Variants in BLTP1 observed in about 807,000 individuals in gnomAD.
The protein encoded by BLTP1 is fragile site-associated protein.
At chr4:122,267,621 T>G in the BLTP1 span, 10 of 979,934 alleles carry the variant, frequency 1.0e-5, no homozygotes, top group Non-Finnish European at 1.2e-5. Context: ...GTATTTTGTA[T>G]TAGAAATAGG....
At chr4:122,248,149 T>A in the BLTP1 span, 2 of 982,204 alleles carry the variant, frequency 2.0e-6, no homozygotes, top group Non-Finnish European at 2.4e-6. Flanking sequence ...GGTGTGAGGC[T>A]GAAAGCATTT....
the BLTP1 span, chr4:122,276,613 G>C: frequency 1.0e-6 from 1 of 983,924 alleles, no homozygotes; most frequent in East Asian, 1.1e-4. Context: ...AACTGAACTT[G>C]AAATGTTGGT....
chr4:122,350,082 T>G, the BLTP1 span: 25 of 1,611,820 alleles, frequency 1.6e-5, no homozygotes, highest in African/African-American at 3.3e-4. Flanking sequence ...AATGTAAGAA[T>G]TAGAAGTAAG....
the BLTP1 span, among the ~76,000 whole-genome samples, chr4:122,165,973 G>A: frequency 1.3e-5 from 2 of 151,402 alleles, no homozygotes; most frequent in African/African-American, 2.4e-5. Context: ...CTGGATATTA[G>A]CCCTTTGTCA....
the BLTP1 span, chr4:122,220,609 T>G: frequency 4.4e-6 from 3 of 688,716 alleles, no homozygotes; most frequent in Non-Finnish European, 7.0e-6. Context: ...TATTAAGAAG[T>G]TTTGTATGTA....
the BLTP1 span, chr4:122,328,581 T>C: frequency 2.3e-5 from 20 of 873,954 alleles, no homozygotes; most frequent in Non-Finnish European, 2.7e-5. Context: ...AATTTTTTTT[T>C]CATGTCACCT....
At chr4:122,261,788 T>C in the BLTP1 span, 6 of 979,392 alleles carry the variant, frequency 6.1e-6, no homozygotes, top group Non-Finnish European at 7.3e-6. Context: ...AGCTAATACA[T>C]GAAACATGCT....
At chr4:122,259,776 T>A in the BLTP1 span, 1 of 172,628 alleles carries the variant, frequency 5.8e-6, no homozygotes, top group African/African-American at 2.4e-5. Flanking sequence ...AGAGAACTGC[T>A]TGAACCTGGG....
the BLTP1 span, chr4:122,279,583 C>A: frequency 5.0e-6 from 1 of 198,474 alleles, no homozygotes; most frequent in Non-Finnish European, 9.1e-6. Flanking sequence ...CATGTTTCAA[C>A]AAGTGAATAT....
the BLTP1 span, chr4:122,230,297 T>C: frequency 1.8e-6 from 2 of 1,118,128 alleles, no homozygotes; most frequent in Admixed American, 4.1e-5. Flanking sequence ...ACTGAGAGAA[T>C]GGACTAAGAA....
chr4:122,257,412 A>T, the BLTP1 span: 2 of 1,614,050 alleles, frequency 1.2e-6, no homozygotes, highest in African/African-American at 1.3e-5. Context: ...GACCATGAAC[A>T]TGAAGATGGA....
chr4:122,318,023 G>A, the BLTP1 span: 7 of 958,256 alleles, frequency 7.3e-6, no homozygotes, highest in African/African-American at 1.2e-4. Context: ...GCTTATTGAG[G>A]GTTTTGGCTT....
At chr4:122,346,183 G>A in the BLTP1 span, among the ~76,000 whole-genome samples, 1 of 152,134 alleles carries the variant, frequency 6.6e-6, no homozygotes, top group African/African-American at 2.4e-5. Context: ...TCTGGAAGAA[G>A]GCCATCAAAA....
chr4:122,362,355 TG>T, the BLTP1 span: 1 of 878,132 alleles, frequency 1.1e-6, no homozygotes, highest in Non-Finnish European at 1.7e-6. Flanking sequence ...ATTCTAAATT[TG>T]TGGCTATAAT....
At chr4:122,316,309 G>T in the BLTP1 span, 45 of 432,558 alleles carry the variant, frequency 1.0e-4, no homozygotes, top group Non-Finnish European at 2.0e-4. Flanking sequence ...TTCTTGGGAA[G>T]AAATTTTTTT....
At chr4:122,311,568 T>TAAC in the BLTP1 span, among the ~76,000 whole-genome samples, 4 of 152,148 alleles carry the variant, frequency 2.6e-5, no homozygotes, top group Non-Finnish European at 5.9e-5. Flanking sequence ...AGAATTTTTT[T>TAAC]AACAGGTCAT....
chr4:122,185,487 T>C, the BLTP1 span: 3 of 891,970 alleles, frequency 3.4e-6, no homozygotes, highest in Non-Finnish European at 2.7e-6. Context: ...GATTCATTAA[T>C]TACTATTGCT....
chr4:122,324,324 G>C, the BLTP1 span: 3 of 1,216,876 alleles, frequency 2.5e-6, no homozygotes, highest in Non-Finnish European at 3.3e-6. Flanking sequence ...AAAGTCCCCT[G>C]GGGAAAACAA....
At chr4:122,308,892 G>A in the BLTP1 span, among the ~76,000 whole-genome samples, 1 of 151,986 alleles carries the variant, frequency 6.6e-6, no homozygotes, top group African/African-American at 2.4e-5. Flanking sequence ...GTTGAGGATG[G>A]GTGGCATTGG....
Sources: allele counts gnomAD v4.1 joint callset (sites outside exome capture counted in the v4.1 genomes callset), GRCh38; gene constraint gnomAD v4.1.1; transcripts MANE v1.5; gene names NCBI Gene and HGNC (gene_info 2026-07-23, HGNC 2026-07-21).